Variants in HDX observed in about 807,000 individuals in gnomAD.
HDX encodes the protein chromosome X open reading frame 43.
A neutral mutation model predicts 45.2 loss-of-function variants in HDX; 19 were observed. That is an observed-to-expected ratio of 0.42 (90% CI 0.29 to 0.62). The LOEUF (loss-of-function observed/expected upper bound fraction) is 0.62. HDX is among the 20% of genes least tolerant of loss of function. The probability of loss-of-function intolerance (pLI) is 0.20; values close to 1 mark genes in which losing one functional copy is unlikely to be tolerated. For missense variants in HDX, 532 were observed against 493.9 expected, an observed-to-expected ratio of 1.08 and a Z score of -0.73; for synonymous variants, 188 against 172.8, an observed-to-expected ratio of 1.09 and a Z score of -0.69.
At chrX:84,467,110 G>T (rs2040365155) in intron 4 of HDX, among the ~76,000 whole-genome samples, 1 of 111,363 alleles carries the variant, frequency 9.0e-6, no homozygotes, top group Non-Finnish European at 1.9e-5. Flanking sequence ...ACATAAAAAT[G>T]AGTCAATTAT....
At chrX:84,470,657 C>T (rs1008222998) in intron 3 of HDX, among the ~76,000 whole-genome samples, 1 of 110,925 alleles carries the variant, frequency 9.0e-6, no homozygotes, top group Non-Finnish European at 1.9e-5. Context: ...AAAAATAATA[C>T]TAGTGGTTGG....
intron 4 of HDX, among the ~76,000 whole-genome samples, chrX:84,459,303 G>A (rs747904313): frequency 1.8e-5 from 2 of 110,147 alleles, no homozygotes; most frequent in South Asian, 3.9e-4. Context: ...TTAGCCGGGC[G>A]TGGTGGCGGG....
intron 5 of HDX, among the ~76,000 whole-genome samples, chrX:84,400,408 C>T (rs1344324391): frequency 9.3e-6 from 1 of 107,787 alleles, no homozygotes; most frequent in African/African-American, 3.4e-5. Context: ...TATACAATAA[C>T]AAAAGTCAAG....
At chrX:84,358,840 G>A (rs753312187) in intron 6 of HDX, among the ~76,000 whole-genome samples, 1 of 111,289 alleles carries the variant, frequency 9.0e-6, no homozygotes, top group South Asian at 3.8e-4. Context: ...GGGACTACAG[G>A]TATGTACTAC....
intron 5 of HDX, among the ~76,000 whole-genome samples, chrX:84,362,958 T>C (rs1471901333): frequency 1.8e-5 from 2 of 111,519 alleles, no homozygotes; most frequent in Non-Finnish European, 3.8e-5. Context: ...AATAAATATA[T>C]GAATTCTTGG....
chrX:84,338,875 T>A (rs1291507039), intron 7 of HDX, among the ~76,000 whole-genome samples: 3 of 110,766 alleles, frequency 2.7e-5, no homozygotes, highest in African/African-American at 9.8e-5. Flanking sequence ...GTTGAAAGTG[T>A]GTAGCACCCC....
chrX:84,497,707 G>A (rs1215334359), intron 1 of HDX, among the ~76,000 whole-genome samples: 1 of 110,409 alleles, frequency 9.1e-6, no homozygotes, highest in Non-Finnish European at 1.9e-5. Context: ...GTGTGTGTGT[G>A]TGTGTGTATG....
chrX:84,403,248 TAAG>T (rs919131799), intron 5 of HDX, among the ~76,000 whole-genome samples: 12 of 110,913 alleles, frequency 1.1e-4, no homozygotes, highest in African/African-American at 3.9e-4. Context: ...TAAATCTAAA[TAAG>T]AAAATTCTGA....
intron 3 of HDX, among the ~76,000 whole-genome samples, chrX:84,474,068 A>T (rs1297351631): frequency 2.7e-5 from 3 of 111,999 alleles, no homozygotes; most frequent in African/African-American, 9.8e-5. Context: ...AGGCGGGCAG[A>T]TCATCTGAGG....
intron 9 of HDX, among the ~76,000 whole-genome samples, chrX:84,327,469 C>T (rs746970692): frequency 9.0e-6 from 1 of 111,536 alleles, no homozygotes; most frequent in Non-Finnish European, 1.9e-5. Flanking sequence ...ATAGAGAGAC[C>T]AGAAATAAAT....
chrX:84,439,461 G>A (rs1476628610), intron 5 of HDX, among the ~76,000 whole-genome samples: 1 of 110,639 alleles, frequency 9.0e-6, no homozygotes, highest in African/African-American at 3.3e-5. Context: ...TGGTGAGTTA[G>A]CCATAAATTC....
At chrX:84,417,895 A>T (rs756125023) in intron 5 of HDX, among the ~76,000 whole-genome samples, 7 of 111,980 alleles carry the variant, frequency 6.3e-5, no homozygotes, top group Non-Finnish European at 1.1e-4. Context: ...ACGAGAGAGG[A>T]GGGGAGCATT....
At chrX:84,426,356 C>G (rs2039384285) in intron 5 of HDX, among the ~76,000 whole-genome samples, 1 of 110,855 alleles carries the variant, frequency 9.0e-6, no homozygotes, top group Non-Finnish European at 1.9e-5. Context: ...AAAGAGATAT[C>G]TGCACTCTCA....
intron 1 of HDX, among the ~76,000 whole-genome samples, chrX:84,498,026 C>G (rs1158399400): frequency 9.0e-6 from 1 of 111,519 alleles, no homozygotes; most frequent in Admixed American, 9.5e-5. Context: ...GGAAAAGAAG[C>G]TAAGGAGATA....
chrX:84,364,658 A>C (rs1403826574), intron 5 of HDX, among the ~76,000 whole-genome samples: 1 of 107,748 alleles, frequency 9.3e-6, no homozygotes, highest in African/African-American at 3.4e-5. Context: ...GCCCGCCTCC[A>C]CGCCCAGCTA....
At chrX:84,372,105 C>T (rs2037910873) in intron 5 of HDX, among the ~76,000 whole-genome samples, 1 of 111,474 alleles carries the variant, frequency 9.0e-6, no homozygotes, top group African/African-American at 3.3e-5. Context: ...TAAGACAGAA[C>T]AGCAGCTGTT....
intron 5 of HDX, among the ~76,000 whole-genome samples, chrX:84,407,350 G>A (rs1187888066): frequency 1.8e-5 from 2 of 111,141 alleles, no homozygotes; most frequent in African/African-American, 3.3e-5. Flanking sequence ...TTAGAATAAT[G>A]GCCTCTAACT....
chrX:84,327,021 A>G (rs945744933), intron 9 of HDX, among the ~76,000 whole-genome samples: 5 of 111,634 alleles, frequency 4.5e-5, no homozygotes, highest in Admixed American at 9.5e-5. Flanking sequence ...ACTACTCAGA[A>G]CTTAAATGGT....
chrX:84,455,905 G>A (rs989443622), intron 4 of HDX, among the ~76,000 whole-genome samples: 1 of 112,195 alleles, frequency 8.9e-6, no homozygotes, highest in Non-Finnish European at 1.9e-5. Context: ...TACTTGCCAG[G>A]AGACAGTGGT....
Sources: allele counts gnomAD v4.1 joint callset (sites outside exome capture counted in the v4.1 genomes callset), GRCh38; gene constraint gnomAD v4.1.1; transcripts MANE v1.5; gene names NCBI Gene and HGNC (gene_info 2026-07-23, HGNC 2026-07-21).